The following PPP1R12B variants were observed in gnomAD, a reference collection of about 807,000 sequenced individuals.
PPP1R12B encodes protein phosphatase 1 regulatory subunit 12B.
Under a neutral mutation model 126.1 loss-of-function variants are expected in PPP1R12B, and 76 were observed. The ratio of observed to expected loss-of-function variants is 0.60; its 90% CI spans 0.50 to 0.73. The LOEUF (loss-of-function observed/expected upper bound fraction) is 0.73, where lower values mean the gene tolerates loss of function less well. Among genes scored for constraint, PPP1R12B ranks in the 30% least tolerant of loss-of-function variants. The pLI is 0.00. For synonymous variants in PPP1R12B, 356 were observed against 434.7 expected, an observed-to-expected ratio of 0.82 and a Z score of 2.25; for missense variants, 1,052 against 1,205.1, an observed-to-expected ratio of 0.87 and a Z score of 1.88.
intron 13 of PPP1R12B, among the ~76,000 whole-genome samples, chr1:202,457,216 T>C (rs1673749169): frequency 1.3e-5 from 2 of 152,220 alleles, no homozygotes; most frequent in Non-Finnish European, 2.9e-5. Flanking sequence ...GAGACTGCCA[T>C]GTGCCAGGCA....
At chr1:202,357,556 G>A (rs1007805126) in intron 1 of PPP1R12B, among the ~76,000 whole-genome samples, 2 of 152,200 alleles carry the variant, frequency 1.3e-5, no homozygotes, top group African/African-American at 2.4e-5. Flanking sequence ...ATTCTGGCTA[G>A]TTCAGGTGGT....
intron 1 of PPP1R12B, among the ~76,000 whole-genome samples, chr1:202,370,767 A>G (rs1660086874): frequency 6.6e-6 from 1 of 151,924 alleles, no homozygotes; most frequent in South Asian, 2.1e-4. Context: ...CGAACTACTG[A>G]CCTCAGGTGA....
rs56752885 is a variant in PPP1R12B, at chr1:202,555,325, G to GAAAAAAAAAAAAAAAAA, written c.2491-3540_2491-3524dup. 3.2e-4 allele frequency among the ~76,000 whole-genome samples: 8 copies of GAAAAAAAAAAAAAAAAA among 25,354 alleles called. 3 individuals carry two copies. Among genetic ancestry groups the GAAAAAAAAAAAAAAAAA allele is most frequent in the Non-Finnish European group, 5.2e-4 (8 of 15,300 alleles). 16.6% of individuals were successfully genotyped at this position (25,354 alleles called of 152,430 possible). On this transcript the variant is annotated intron_variant, in intron 18 of 23. Transcript: ENST00000608999. ...AAAACCCTAATTTTCCTGTTTTAAT[G>GAAAAAAAAAAAAAAAAA]AAAAAAAAAAAAAAAAAAAAAAAAA...
intron 18 of PPP1R12B, among the ~76,000 whole-genome samples, chr1:202,554,370 T>C (rs1376035197): frequency 6.6e-6 from 1 of 152,180 alleles, no homozygotes; most frequent in Non-Finnish European, 1.5e-5. Flanking sequence ...TCCAGTTTTC[T>C]TCCTTTTTTG....
intron 18 of PPP1R12B, among the ~76,000 whole-genome samples, chr1:202,498,167 T>C (rs1360091338): frequency 1.3e-5 from 2 of 152,212 alleles, no homozygotes; most frequent in Non-Finnish European, 2.9e-5. Context: ...ATGATCTTGA[T>C]GCAGTACTTC....
At chr1:202,564,819 A>G (rs1687911020) in intron 21 of PPP1R12B, among the ~76,000 whole-genome samples, 1 of 152,242 alleles carries the variant, frequency 6.6e-6, no homozygotes, top group South Asian at 2.1e-4. Context: ...TATTAGTAGA[A>G]AAGCATAAAC....
At chr1:202,472,838 A>G (rs990387088) in intron 13 of PPP1R12B, among the ~76,000 whole-genome samples, 40 of 152,192 alleles carry the variant, frequency 2.6e-4, no homozygotes, top group Admixed American at 3.3e-4. Flanking sequence ...TTCTGTTGCA[A>G]CTGCTCCCTT....
At chr1:202,520,197 A>G (rs762147074) in intron 18 of PPP1R12B, among the ~76,000 whole-genome samples, 2 of 152,196 alleles carry the variant, frequency 1.3e-5, no homozygotes, top group Admixed American at 6.5e-5. Flanking sequence ...TTCTAGCCCA[A>G]CTCTCTTATT....
rs71142533 is a variant in PPP1R12B, at chr1:202,471,575, GTT to G, written c.1851-16941_1851-16940del. ...TTTTCAACTAGGTTAGACTTAAAATGTTTTTTTTTTTTTTTTTTGCTGCTACT... is the reference window on the plus strand; with the variant it reads ...TTTTCAACTAGGTTAGACTTAAAATGTTTTTTTTTTTTTTTTGCTGCTACT... On this transcript the variant is annotated intron_variant, in intron 13 of 23. Transcript: ENST00000608999. 2.7e-3 allele frequency among the ~76,000 whole-genome samples: 311 copies of G among 113,640 alleles called. 1 individual carries two copies. Among genetic ancestry groups the G allele is most frequent in the African/African-American group, 5.7e-3 (168 of 29,714 alleles). The allele number at this position is 113,640 out of a possible 152,430, so 74.6% of individuals were successfully genotyped here. A position where few individuals can be genotyped will look rare whatever the true frequency, so the allele number is the denominator to read the frequency against.
intron 13 of PPP1R12B, 58 bp downstream of exon 13, chr1:202,449,229 A>C (rs1461303299): frequency 5.2e-6 from 8 of 1,525,542 alleles, no homozygotes; most frequent in Non-Finnish European, 7.1e-6. Context: ...ACGATAAAGG[A>C]ATGGGCATAA....
At chr1:202,453,413 T>A (rs544248946) in intron 13 of PPP1R12B, among the ~76,000 whole-genome samples, 2 of 152,304 alleles carry the variant, frequency 1.3e-5, no homozygotes, top group East Asian at 3.9e-4. Flanking sequence ...CTTTTTTTGA[T>A]GTGTCTTTGT....
At chr1:202,572,321 G>C (rs781232653) in intron 23 of PPP1R12B, among the ~76,000 whole-genome samples, 3 of 152,158 alleles carry the variant, frequency 2.0e-5, no homozygotes, top group Non-Finnish European at 4.4e-5. Flanking sequence ...CTGATCTCCA[G>C]TGAACCCTTA....
intron 18 of PPP1R12B, among the ~76,000 whole-genome samples, chr1:202,503,085 C>T (rs1026878049): frequency 2.6e-5 from 4 of 152,138 alleles, no homozygotes; most frequent in African/African-American, 9.7e-5. Context: ...TTGGTGGAAG[C>T]AGGGACATCA....
intron 11 of PPP1R12B, among the ~76,000 whole-genome samples, chr1:202,442,217 G>A (rs541643943): frequency 6.4e-4 from 97 of 152,312 alleles, no homozygotes; most frequent in African/African-American, 2.1e-3. Flanking sequence ...CCTTTGACAT[G>A]AGGAATTTGG....
rs1296365710 is a variant in PPP1R12B, at chr1:202,591,459, C to G, written c.*10899C>G. On this transcript the variant is annotated 3_prime_UTR_variant, in exon 24 of 24. Coordinates refer to ENST00000608999, the MANE Select transcript of PPP1R12B (RefSeq NM_002481.4). ...CTGGGGCCTTGGAAGCCCCCAGGCCCCTCTACTCACCTCTGCTACTTGGTG... is the reference window on the plus strand; with the variant it reads ...CTGGGGCCTTGGAAGCCCCCAGGCCGCTCTACTCACCTCTGCTACTTGGTG... The G allele has an allele frequency of 2.0e-5, 3 of 152,382 alleles. No homozygotes were observed. Among genetic ancestry groups the G allele is most frequent in the Non-Finnish European group, 4.4e-5 (3 of 68,208 alleles). The allele number at this position is 152,382 out of a possible 1,614,324, so 9.4% of individuals were successfully genotyped here. A position where few individuals can be genotyped will look rare whatever the true frequency, so the allele number is the denominator to read the frequency against.
Position 202,583,074 on chromosome 1 carries a change from GA to G in PPP1R12B, c.*2516del, listed in dbSNP as rs1360201283. 6.6e-6 allele frequency: 1 copy of G among 152,100 alleles called. No individual in the cohort carries two copies. The highest frequency in any genetic ancestry group is 1.5e-5 in the Non-Finnish European group (1 of 68,014). 9.4% of individuals were successfully genotyped at this position (152,100 alleles called of 1,614,324 possible). A position where few individuals can be genotyped will look rare whatever the true frequency, so the allele number is the denominator to read the frequency against. ...GAGTACTGTAAGTTCAGTTCTCAGG[GA>G]ATGCTAAATTAGAGTAATAAGTTTT... On this transcript the variant is annotated 3_prime_UTR_variant, in exon 24 of 24. Transcript: ENST00000608999.
At chr1:202,479,396 A>T (rs1677063413) in intron 13 of PPP1R12B, among the ~76,000 whole-genome samples, 1 of 152,218 alleles carries the variant, frequency 6.6e-6, no homozygotes, top group African/African-American at 2.4e-5. Context: ...AACTTGAGGG[A>T]TCAAGATCCT....
chr1:202,512,874 C>G (rs1681692803), intron 18 of PPP1R12B, among the ~76,000 whole-genome samples: 1 of 152,156 alleles, frequency 6.6e-6, no homozygotes, highest in Non-Finnish European at 1.5e-5. Context: ...CTTTGACCCC[C>G]TCCCTGGACC....
chr1:202,435,502 A>T (rs1381644229), intron 9 of PPP1R12B, among the ~76,000 whole-genome samples: 3 of 152,194 alleles, frequency 2.0e-5, no homozygotes, highest in Non-Finnish European at 4.4e-5. Flanking sequence ...TAAAGTCTTT[A>T]TATCTTATGA....
Sources: allele counts gnomAD v4.1 joint callset (sites outside exome capture counted in the v4.1 genomes callset), GRCh38; gene constraint gnomAD v4.1.1; transcripts MANE v1.5; gene names NCBI Gene and HGNC (gene_info 2026-07-23, HGNC 2026-07-21).